Variants in COL9A1 observed in about 807,000 individuals in gnomAD.
The protein encoded by COL9A1 is collagen type IX alpha 1 chain, also known as collagen alpha-1(IX) chain.
Under a neutral mutation model 142.6 loss-of-function variants are expected in COL9A1, and 104 were observed. The observed-to-expected ratio is 0.73, with a 90% CI of 0.62 to 0.86. The LOEUF (loss-of-function observed/expected upper bound fraction) is 0.86, where lower values mean the gene tolerates loss of function less well. COL9A1 is among the 40% of genes least tolerant of loss of function. The pLI is 0.00. For missense variants in COL9A1, 1,210 were observed against 1,176.6 expected, an observed-to-expected ratio of 1.03 and a Z score of -0.42; for synonymous variants, 466 against 396.0, an observed-to-expected ratio of 1.18 and a Z score of -2.10.
chr6:70,257,982 C>T (rs977026984), intron 20 of COL9A1, among the ~76,000 whole-genome samples: 13 of 152,052 alleles, frequency 8.5e-5, no homozygotes, highest in African/African-American at 2.7e-4. Flanking sequence ...ATAAAGTAAC[C>T]GGCCTATTTT....
At chr6:70,261,041 C>T (rs1771652238) in intron 19 of COL9A1, 1 of 233,970 alleles carries the variant, frequency 4.3e-6, no homozygotes, top group South Asian at 6.5e-5. Context: ...CTTACACTAT[C>T]ATTCCCACTT....
chr6:70,266,864 A>G, intron 17 of COL9A1, 94 bp from the exon 18 acceptor site: 1 of 985,168 alleles, frequency 1.0e-6, no homozygotes, highest in Admixed American at 1.7e-5. Context: ...ATCAGTGCCA[A>G]TGTATTACTA....
chr6:70,283,676 G>T, intron 6 of COL9A1, 61 bp downstream of exon 6: 3 of 1,251,446 alleles, frequency 2.4e-6, no homozygotes, highest in Non-Finnish European at 3.5e-6. Context: ...ATGGGAAAGT[G>T]GTGAGGTGGA....
intron 10 of COL9A1, among the ~76,000 whole-genome samples, chr6:70,277,280 C>T (rs1415307594): frequency 6.6e-6 from 1 of 151,480 alleles, no homozygotes; most frequent in African/African-American, 2.4e-5. Context: ...TTGCTGAGAA[C>T]AGCACAGTTG....
At chr6:70,268,409 C>T (rs1271207887) in intron 17 of COL9A1, among the ~76,000 whole-genome samples, 1 of 152,032 alleles carries the variant, frequency 6.6e-6, no homozygotes, top group East Asian at 1.9e-4. Context: ...AGACAGGGGT[C>T]TCCCTCTGTT....
intron 36 of COL9A1, among the ~76,000 whole-genome samples, chr6:70,231,949 T>C (rs888922158): frequency 6.6e-6 from 1 of 152,170 alleles, no homozygotes; most frequent in African/African-American, 2.4e-5. Flanking sequence ...AACACACTCA[T>C]AGCCCCATTT....
intron 1 of COL9A1, 67 bp downstream of exon 1, chr6:70,302,844 C>G (rs1344375723): frequency 8.3e-6 from 13 of 1,558,678 alleles, no homozygotes; most frequent in Non-Finnish European, 1.2e-5. Context: ...TGCAAAAATA[C>G]AGACCCTTGG....
chr6:70,222,788 A>T (rs1451366910), intron 37 of COL9A1: 1 of 152,118 alleles, frequency 6.6e-6, no homozygotes, highest in Non-Finnish European at 1.5e-5. Context: ...CAACAACAGG[A>T]ACAACAAAGA....
intron 5 of COL9A1, among the ~76,000 whole-genome samples, chr6:70,286,039 C>T (rs1773439159): frequency 1.3e-5 from 2 of 152,182 alleles, no homozygotes; most frequent in Non-Finnish European, 2.9e-5. Context: ...CAGGCGCCCA[C>T]CACCACACCC....
intron 20 of COL9A1, among the ~76,000 whole-genome samples, chr6:70,260,289 C>G (rs183928664): frequency 1.2e-4 from 19 of 152,156 alleles, no homozygotes. Flanking sequence ...CACCTGTAAT[C>G]CCAGTACTTT....
At chr6:70,260,854 A>G (rs1771636457) in intron 19 of COL9A1, 144 bp from the exon 20 acceptor site, 4 of 685,048 alleles carry the variant, frequency 5.8e-6, no homozygotes, top group Non-Finnish European at 9.7e-6. Flanking sequence ...ATATAGACAA[A>G]CATTTCTAGT....
At chr6:70,259,294 T>G (rs1006296561) in intron 20 of COL9A1, among the ~76,000 whole-genome samples, 1 of 152,212 alleles carries the variant, frequency 6.6e-6, no homozygotes, top group Non-Finnish European at 1.5e-5. Flanking sequence ...GGCTCTGTGC[T>G]GCTGGGGGAA....
chr6:70,235,356 G>C (rs1239884622), intron 33 of COL9A1, among the ~76,000 whole-genome samples: 1 of 152,106 alleles, frequency 6.6e-6, no homozygotes, highest in Non-Finnish European at 1.5e-5. Flanking sequence ...GGGAAGCTGA[G>C]GCAGGAGAAT....
intron 33 of COL9A1, among the ~76,000 whole-genome samples, chr6:70,237,448 CCT>C (rs1769985263): frequency 6.6e-6 from 1 of 152,174 alleles, no homozygotes; most frequent in South Asian, 2.1e-4. Flanking sequence ...AACAATTTCC[CCT>C]GATTGTGGGA....
At chr6:70,218,098 G>A (rs1008129125) in intron 37 of COL9A1, among the ~76,000 whole-genome samples, 1 of 152,134 alleles carries the variant, frequency 6.6e-6, no homozygotes, top group Non-Finnish European at 1.5e-5. Flanking sequence ...AGCCGAGATC[G>A]CGCCACTGCA....
intron 16 of COL9A1, 35 bp downstream of exon 16, chr6:70,269,598 T>G: frequency 6.9e-7 from 1 of 1,456,896 alleles, no homozygotes; most frequent in Non-Finnish European, 9.7e-7. Context: ...GTCTTTGAAT[T>G]AAAACTATAT....
At chr6:70,256,215 T>C (rs1771284597) in intron 21 of COL9A1, among the ~76,000 whole-genome samples, 1 of 152,250 alleles carries the variant, frequency 6.6e-6, no homozygotes, top group Non-Finnish European at 1.5e-5. Flanking sequence ...AGTTTATCAT[T>C]GAGTTACTTT....
At chr6:70,263,155 C>A in intron 19 of COL9A1, 89 bp downstream of exon 19, 2 of 1,079,148 alleles carry the variant, frequency 1.9e-6, no homozygotes. Context: ...TGCTATTCAT[C>A]CAACTGCTAA....
intron 37 of COL9A1, among the ~76,000 whole-genome samples, chr6:70,218,455 A>G (rs1463773080): frequency 6.6e-6 from 1 of 152,194 alleles, no homozygotes; most frequent in Non-Finnish European, 1.5e-5. Flanking sequence ...ACCCCAGTGC[A>G]CTAGCAGCAC....
Sources: gnomAD v4.1 joint callset for allele counts (sites outside exome capture counted in the v4.1 genomes callset) on GRCh38, gnomAD v4.1.1 for gene constraint, MANE v1.5 for transcripts, NCBI Gene and HGNC (gene_info 2026-07-23, HGNC 2026-07-21) for gene names.